SNX29: variants seen among roughly 807,000 people sequenced by gnomAD.
SNX29 encodes the protein sorting nexin 29.
Under a neutral mutation model 102.1 loss-of-function variants are expected in SNX29, and 78 were observed. The ratio of observed to expected loss-of-function variants is 0.76; its 90% confidence interval spans 0.64 to 0.92. SNX29 has a LOEUF of 0.92. Ranked by LOEUF, SNX29 falls within the 40% of genes least tolerant of loss-of-function variation. The probability of loss-of-function intolerance (pLI) is 0.00; values close to 1 mark genes in which losing one functional copy is unlikely to be tolerated. For missense variants in SNX29, 1,280 were observed against 1,061.7 expected, an observed-to-expected ratio of 1.21 and a Z score of -2.86; for synonymous variants, 580 against 414.5, an observed-to-expected ratio of 1.40 and a Z score of -4.85.
intron 16 of SNX29, among the ~76,000 whole-genome samples, chr16:12,389,897 T>G (rs935333136): frequency 3.3e-5 from 5 of 152,212 alleles, no homozygotes; most frequent in Non-Finnish European, 7.3e-5. Flanking sequence ...CTTCAAACCT[T>G]GTTTCCCTCA....
intron 16 of SNX29, among the ~76,000 whole-genome samples, chr16:12,382,967 T>C (rs1359577729): frequency 2.0e-5 from 3 of 152,218 alleles, no homozygotes; most frequent in African/African-American, 7.2e-5. Flanking sequence ...AGACACCTTT[T>C]TCCACATTTA....
At chr16:12,515,742 T>C (rs2089835174) in intron 19 of SNX29, 10 of 406,044 alleles carry the variant, frequency 2.5e-5, no homozygotes, top group South Asian at 1.9e-4. Flanking sequence ...GGGTCACATC[T>C]GTTTGCCAAT....
chr16:12,527,791 G>A (rs2076825981), intron 20 of SNX29, among the ~76,000 whole-genome samples: 1 of 151,660 alleles, frequency 6.6e-6, no homozygotes, highest in African/African-American at 2.4e-5. Flanking sequence ...CCAGTATAGT[G>A]GGGTTTTGTT....
chr16:12,396,613 GATGAA>G (rs2083731915), intron 16 of SNX29, among the ~76,000 whole-genome samples: 1 of 152,198 alleles, frequency 6.6e-6, no homozygotes, highest in Admixed American at 6.5e-5. Flanking sequence ...CCTCCACATG[GATGAA>G]AAGAGGAGAA....
intron 17 of SNX29, among the ~76,000 whole-genome samples, chr16:12,402,216 C>T (rs2083973597): frequency 6.6e-5 from 10 of 152,192 alleles, no homozygotes; most frequent in Admixed American, 6.5e-4. Flanking sequence ...AGCTCCTCTG[C>T]TCAGAGATGA....
chr16:12,241,362 A>G (rs891255634), intron 14 of SNX29, among the ~76,000 whole-genome samples: 10 of 152,174 alleles, frequency 6.6e-5, no homozygotes, highest in African/African-American at 1.9e-4. Flanking sequence ...TGAATTAACA[A>G]AAGTTTTGTC....
intron 11 of SNX29, among the ~76,000 whole-genome samples, chr16:12,116,490 T>C (rs577073044): frequency 7.6e-4 from 116 of 152,242 alleles, no homozygotes; most frequent in African/African-American, 2.7e-3. Context: ...CTGGCCAACA[T>C]GGTGAACGTC....
intron 15 of SNX29, among the ~76,000 whole-genome samples, chr16:12,318,714 T>TC (rs2080835267): frequency 6.6e-6 from 1 of 152,088 alleles, no homozygotes; most frequent in African/African-American, 2.4e-5. Context: ...TTTTTTTTTT[T>TC]CTGTAACGAG....
Position 12,278,013 on chromosome 16 carries a change from T to C in SNX29, c.1759T>C (p.Ser587Pro). 2 of 1,604,106 alleles carry C rather than the reference T, an allele frequency of 1.2e-6. No homozygotes were observed. The highest frequency in any genetic ancestry group is 1.7e-6 in the Non-Finnish European group (2 of 1,175,218). ...PGEIAEELAS[S>P]YERKLIEVAE... ...AGAAATTGCTGAAGAACTCGCAAGC[T>C]CCTACGAAAGAAAGCTCATCGAGGT... Residue 587 changes from serine (S) to proline (P), a missense_variant, in exon 15 of 21, where the codon TCC becomes CCC. Transcript: ENST00000566228.
intron 14 of SNX29, among the ~76,000 whole-genome samples, chr16:12,229,677 C>T (rs184718603): frequency 7.2e-5 from 11 of 152,016 alleles, no homozygotes; most frequent in Admixed American, 2.0e-4. Context: ...AAAGATCTAC[C>T]GTCAAAGGGA....
At chr16:12,554,872 G>C (rs970141231) in intron 20 of SNX29, among the ~76,000 whole-genome samples, 2 of 152,178 alleles carry the variant, frequency 1.3e-5, no homozygotes, top group Non-Finnish European at 2.9e-5. Context: ...AGAGGACAAA[G>C]ATATGTCAGC....
chr16:12,455,974 A>G (rs770123794), intron 18 of SNX29, among the ~76,000 whole-genome samples: 15 of 152,194 alleles, frequency 9.9e-5, no homozygotes, highest in Non-Finnish European at 1.9e-4. Flanking sequence ...TCTTGCCCTC[A>G]AGGAATTCAT....
chr16:12,444,927 C>G (rs568447600), intron 18 of SNX29, among the ~76,000 whole-genome samples: 1 of 150,412 alleles, frequency 6.6e-6, no homozygotes, highest in South Asian at 2.1e-4. Flanking sequence ...CCTCAGCTCA[C>G]TGCAACCCCT....
intron 4 of SNX29, among the ~76,000 whole-genome samples, chr16:12,031,529 G>A (rs1186984752): frequency 7.3e-5 from 11 of 151,664 alleles, no homozygotes; most frequent in African/African-American, 2.7e-4. Context: ...AAATATGGCC[G>A]GGCGTGGTGG....
intron 20 of SNX29, among the ~76,000 whole-genome samples, chr16:12,541,041 T>G (rs1040852770): frequency 1.3e-5 from 2 of 152,176 alleles, no homozygotes; most frequent in African/African-American, 2.4e-5. Flanking sequence ...ATCTCTGTAG[T>G]CTGGCTGCTA....
chr16:12,204,381 T>C (rs538197942), intron 14 of SNX29, among the ~76,000 whole-genome samples: 2 of 152,340 alleles, frequency 1.3e-5, no homozygotes, highest in East Asian at 3.9e-4. Context: ...GGGCGATTAT[T>C]TCTGTGGAAT....
chr16:12,455,964 T>G (rs540359265), intron 18 of SNX29, among the ~76,000 whole-genome samples: 13 of 152,324 alleles, frequency 8.5e-5, no homozygotes, highest in Admixed American at 6.5e-5. Context: ...CCATCTTGGT[T>G]CTTGCCCTCA....
At chr16:12,396,117 T>C (rs2083711642) in intron 16 of SNX29, among the ~76,000 whole-genome samples, 1 of 152,216 alleles carries the variant, frequency 6.6e-6, no homozygotes, top group African/African-American at 2.4e-5. Context: ...GAACCACTCC[T>C]GGGTACGCAT....
intron 13 of SNX29, among the ~76,000 whole-genome samples, chr16:12,152,325 A>T (rs933507125): frequency 6.6e-6 from 1 of 152,132 alleles, no homozygotes; most frequent in African/African-American, 2.4e-5. Context: ...CACATGTTGG[A>T]ATTATTACCT....
Sources: allele counts gnomAD v4.1 joint callset (sites outside exome capture counted in the v4.1 genomes callset), GRCh38; gene constraint gnomAD v4.1.1; transcripts MANE v1.5; gene names NCBI Gene and HGNC (gene_info 2026-07-23, HGNC 2026-07-21).